Variants in KLHL32 observed in about 807,000 individuals in gnomAD.
KLHL32 encodes the protein kelch like family member 32.
In KLHL32, 35 loss-of-function variants were observed where a neutral mutation model predicts 64.8. The ratio of observed to expected loss-of-function variants is 0.54; its 90% CI spans 0.41 to 0.72. The LOEUF is 0.72. KLHL32 is among the 30% of genes least tolerant of loss of function. The probability of loss-of-function intolerance (pLI) is 0.00; values close to 1 mark genes in which losing one functional copy is unlikely to be tolerated. For missense variants in KLHL32, 589 were observed against 768.5 expected, an observed-to-expected ratio of 0.77 and a Z score of 2.76; for synonymous variants, 259 against 281.0, an observed-to-expected ratio of 0.92 and a Z score of 0.78.
At chr6:96,913,576 A>C in the KLHL32 span, among the ~76,000 whole-genome samples, 2 of 152,236 alleles carry the variant, frequency 1.3e-5, no homozygotes, top group African/African-American at 4.8e-5. Flanking sequence ...AAGCGGTGCA[A>C]GCAGGCTCCA....
chr6:96,968,357 G>GCAAAAAACAAAAAA (rs1011559959), intron 2 of KLHL32, among the ~76,000 whole-genome samples: 1 of 150,618 alleles, frequency 6.6e-6, no homozygotes, highest in African/African-American at 2.4e-5. Flanking sequence ...GCCCCCTACA[G>GCAAAAAACAAAAAA]CAAAAAACAA....
intron 3 of KLHL32, among the ~76,000 whole-genome samples, chr6:97,040,217 A>G (rs1361385109): frequency 6.6e-6 from 1 of 152,210 alleles, no homozygotes; most frequent in South Asian, 2.1e-4. Flanking sequence ...AACAGTTCCC[A>G]CAAAACTTCT....
intron 3 of KLHL32, among the ~76,000 whole-genome samples, chr6:97,030,532 G>T (rs1197294524): frequency 6.6e-6 from 1 of 152,216 alleles, no homozygotes; most frequent in Non-Finnish European, 1.5e-5. Flanking sequence ...CAAATGAGCT[G>T]TGATGACTGT....
At position 97,114,529 on chromosome 6, in the gene KLHL32, G is replaced by T. The variant is rs199539877; in HGVS notation, c.1354+20G>T. 504 of 1,611,338 alleles carry T rather than the reference G, an allele frequency of 3.1e-4. No homozygotes were observed. The highest frequency in any genetic ancestry group is 4.2e-4 in the Non-Finnish European group (493 of 1,179,796). On this transcript the variant is annotated intron_variant, in intron 7 of 10. Transcript: ENST00000369261. ...TATCAGGTAGAACATACCTCATGTT[G>T]GATTTATCAAAACACACTTTCATTG...
chr6:97,015,880 C>G (rs1289939522), intron 3 of KLHL32, among the ~76,000 whole-genome samples: 2 of 152,114 alleles, frequency 1.3e-5, no homozygotes, highest in Non-Finnish European at 2.9e-5. Flanking sequence ...TCCCCTGCAT[C>G]TCAGCCATGG....
chr6:96,907,300 A>G, the KLHL32 span, among the ~76,000 whole-genome samples: 1 of 152,056 alleles, frequency 6.6e-6, no homozygotes, highest in Non-Finnish European at 1.5e-5. Flanking sequence ...ATACTTTCCC[A>G]TTTTCTACCT....
intron 8 of KLHL32, among the ~76,000 whole-genome samples, chr6:97,130,366 C>A (rs1005701636): frequency 3.9e-5 from 6 of 152,136 alleles, no homozygotes; most frequent in Admixed American, 2.0e-4. Flanking sequence ...AAACTATTTT[C>A]TTAATCATTG....
chr6:97,059,886 T>C (rs1788594417), intron 4 of KLHL32, among the ~76,000 whole-genome samples: 1 of 152,032 alleles, frequency 6.6e-6, no homozygotes, highest in African/African-American at 2.4e-5. Flanking sequence ...TTTGCCATTC[T>C]GTAATACTAT....
intron 6 of KLHL32, among the ~76,000 whole-genome samples, chr6:97,093,001 G>A (rs1794483820): frequency 6.6e-6 from 1 of 152,112 alleles, no homozygotes; most frequent in African/African-American, 2.4e-5. Context: ...AGAACAACAA[G>A]GTGATTTATG....
chr6:97,058,655 A>G lies in KLHL32; in HGVS notation c.313-5973A>G, dbSNP rs142800664. Among the ~76,000 whole-genome samples the G allele has an allele frequency of 4.2e-3, 645 of 152,318 alleles. 2 individuals carry two copies. The highest frequency in any genetic ancestry group is 0.015 in the African/African-American group (603 of 41,554). On this transcript the variant is annotated intron_variant, in intron 4 of 10. Coordinates refer to ENST00000369261, the MANE Select transcript of KLHL32 (RefSeq NM_052904.4). ...CTGTAACAGTGTTTGTAAGAAATCT[A>G]TTGTTTTTCTGATAAACAATGCCAG...
At position 96,976,798 on chromosome 6, in the gene KLHL32, C is replaced by T. The variant is rs140684446; in HGVS notation, c.204+621C>T. ...AGTTTTAGTAGAGACGGGGTCTCACCAAGTTGGCCAGGTTGGTCTCGAACT... is the reference window on the plus strand; with the variant it reads ...AGTTTTAGTAGAGACGGGGTCTCACTAAGTTGGCCAGGTTGGTCTCGAACT... On this transcript the variant is annotated intron_variant, in intron 3 of 10. Coordinates refer to ENST00000369261, the MANE Select transcript of KLHL32 (RefSeq NM_052904.4). Among the ~76,000 whole-genome samples, 179 of 152,162 alleles carry T rather than the reference C, an allele frequency of 1.2e-3. 1 individual carries two copies. The highest frequency in any genetic ancestry group is 8.1e-4 in the Non-Finnish European group (55 of 68,004).
At chr6:97,073,104 G>A (rs1044868679) in intron 5 of KLHL32, among the ~76,000 whole-genome samples, 1 of 152,124 alleles carries the variant, frequency 6.6e-6, no homozygotes, top group Admixed American at 6.5e-5. Flanking sequence ...CTTCACCTGT[G>A]AATTCCTCTA....
At chr6:96,928,360 AGCTTAC>A (rs1459075117) in intron 1 of KLHL32, among the ~76,000 whole-genome samples, 3 of 152,256 alleles carry the variant, frequency 2.0e-5, no homozygotes, top group African/African-American at 7.2e-5. Flanking sequence ...AATATTGATG[AGCTTAC>A]TGTAGCTGAG....
At chr6:96,968,496 G>C (rs771849672) in intron 2 of KLHL32, among the ~76,000 whole-genome samples, 14 of 152,194 alleles carry the variant, frequency 9.2e-5, no homozygotes, top group Non-Finnish European at 4.4e-5. Flanking sequence ...CATGGTGTCT[G>C]TCTGTCACCA....
At chr6:97,131,799 C>T (rs1448071147) in intron 9 of KLHL32, among the ~76,000 whole-genome samples, 3 of 152,134 alleles carry the variant, frequency 2.0e-5, no homozygotes, top group East Asian at 1.9e-4. Flanking sequence ...TATTGAGCTC[C>T]TGTTTTTGCA....
intron 8 of KLHL32, among the ~76,000 whole-genome samples, chr6:97,128,605 T>C (rs1799114367): frequency 6.6e-6 from 1 of 152,254 alleles, no homozygotes; most frequent in South Asian, 2.1e-4. Flanking sequence ...TGCTTATTTC[T>C]CTTCTAGGCC....
At chr6:97,127,349 G>A (rs1482206959) in intron 7 of KLHL32, 55 bp from the exon 8 acceptor site, 2 of 1,399,702 alleles carry the variant, frequency 1.4e-6, no homozygotes, top group East Asian at 2.3e-5. Context: ...TTCTTATGTT[G>A]GAATATCCTA....
At chr6:97,052,736 A>G (rs1368991700) in intron 4 of KLHL32, among the ~76,000 whole-genome samples, 1 of 152,194 alleles carries the variant, frequency 6.6e-6, no homozygotes, top group African/African-American at 2.4e-5. Flanking sequence ...CTCGATTGAG[A>G]AGGACTTCTT....
At chr6:96,942,654 G>GGTGTGTGTGTGTGTGTGTGT (rs373680196) in intron 1 of KLHL32, among the ~76,000 whole-genome samples, 17 of 144,228 alleles carry the variant, frequency 1.2e-4, no homozygotes, top group African/African-American at 4.2e-4. Context: ...ACAGCTGTGG[G>GGTGTGTGTGTGTGTGTGTGT]GTGTGTGTGT....
Sources: gnomAD v4.1 joint callset for allele counts (sites outside exome capture counted in the v4.1 genomes callset) on GRCh38, gnomAD v4.1.1 for gene constraint, MANE v1.5 for transcripts, NCBI Gene and HGNC (gene_info 2026-07-23, HGNC 2026-07-21) for gene names.